GPHN: variants seen among roughly 807,000 people sequenced by gnomAD.
The protein encoded by GPHN is gephyrin.
Under a neutral mutation model 95.5 loss-of-function variants are expected in GPHN, and 17 were observed. The ratio of observed to expected loss-of-function variants is 0.18; its 90% confidence interval spans 0.12 to 0.27. GPHN has a LOEUF of 0.27. GPHN is among the 10% of genes least tolerant of loss of function. The pLI is 1.00. For missense variants in GPHN, 660 were observed against 978.1 expected, an observed-to-expected ratio of 0.67 and a Z score of 4.34; for synonymous variants, 320 against 322.5, an observed-to-expected ratio of 0.99 and a Z score of 0.08.
intron 3 of GPHN, among the ~76,000 whole-genome samples, chr14:66,813,566 A>G (rs775648619): frequency 5.3e-5 from 8 of 152,194 alleles, no homozygotes; most frequent in Non-Finnish European, 8.8e-5. Context: ...CCCCTCAACC[A>G]CCACAGACAC....
At chr14:66,597,312 G>T (rs1274337222) in intron 1 of GPHN, among the ~76,000 whole-genome samples, 1 of 152,102 alleles carries the variant, frequency 6.6e-6, no homozygotes, top group Non-Finnish European at 1.5e-5. Context: ...TTTATATTAC[G>T]CATCCCTTTT....
the GPHN span, among the ~76,000 whole-genome samples, chr14:67,212,045 G>T: frequency 6.6e-6 from 1 of 152,084 alleles, no homozygotes; most frequent in African/African-American, 2.4e-5. Flanking sequence ...CCACTGTGAA[G>T]ATCTGCTAAA....
intron 9 of GPHN, among the ~76,000 whole-genome samples, chr14:66,993,246 A>G (rs1205467865): frequency 6.6e-6 from 1 of 151,920 alleles, no homozygotes; most frequent in Non-Finnish European, 1.5e-5. Context: ...CTCTCTTCAC[A>G]TAGATTTCCC....
At chr14:67,370,031 A>AT in the GPHN span, among the ~76,000 whole-genome samples, 1 of 152,254 alleles carries the variant, frequency 6.6e-6, no homozygotes, top group African/African-American at 2.4e-5. Flanking sequence ...GTTTCTATAG[A>AT]TACTAAATTA....
At chr14:66,822,988 C>G (rs1426021406) in intron 3 of GPHN, 1 of 152,056 alleles carries the variant, frequency 6.6e-6, no homozygotes, top group East Asian at 1.9e-4. Flanking sequence ...GTGGTATCAA[C>G]CGTGGTTTTG....
chr14:66,909,343 A>C (rs558064026), intron 5 of GPHN, among the ~76,000 whole-genome samples: 1 of 152,224 alleles, frequency 6.6e-6, no homozygotes. Flanking sequence ...GGATAATCTT[A>C]TTACAAAACT....
chr14:66,615,727 C>A (rs1253290918), intron 1 of GPHN, among the ~76,000 whole-genome samples: 1 of 151,918 alleles, frequency 6.6e-6, no homozygotes, highest in Non-Finnish European at 1.5e-5. Context: ...TTAATTAGAT[C>A]CCATTTGTCA....
At chr14:67,616,728 T>A in the GPHN span, 1 of 151,958 alleles carries the variant, frequency 6.6e-6, no homozygotes, top group Non-Finnish European at 1.5e-5. Context: ...TGAGATATCT[T>A]GGGAATGGGA....
chr14:67,195,795 G>A, the GPHN span, among the ~76,000 whole-genome samples: 4 of 151,758 alleles, frequency 2.6e-5, no homozygotes, highest in Admixed American at 6.6e-5. Flanking sequence ...CCAGGCTGGA[G>A]TGCAGTGGCA....
intron 1 of GPHN, among the ~76,000 whole-genome samples, chr14:66,599,284 T>C (rs1342654574): frequency 6.6e-6 from 1 of 151,934 alleles, no homozygotes; most frequent in African/African-American, 2.4e-5. Flanking sequence ...CAATTTAAGA[T>C]AAAGATTTTG....
chr14:67,615,751 G>C, the GPHN span: 1 of 493,566 alleles, frequency 2.0e-6, no homozygotes. Context: ...AAAAGTTTAA[G>C]GATCCCAATG....
the GPHN span, chr14:67,562,895 G>A: frequency 6.2e-7 from 1 of 1,611,078 alleles, no homozygotes; most frequent in Non-Finnish European, 8.5e-7. Context: ...TTCATCCTGG[G>A]TAAGAGGCAA....
the GPHN span, chr14:67,562,816 G>A: frequency 6.2e-7 from 1 of 1,613,722 alleles, no homozygotes; most frequent in Admixed American, 1.7e-5. Context: ...AGAGCCCAAA[G>A]GCCCTTGGAG....
At chr14:67,560,316 C>T in the GPHN span, among the ~76,000 whole-genome samples, 1,659 of 152,258 alleles carry the variant, frequency 0.011, 14 homozygotes, top group Non-Finnish European at 0.015. Context: ...AGGGAACCAC[C>T]GTGCCCTGCT....
At chr14:67,619,913 G>A in the GPHN span, 162 of 1,108,000 alleles carry the variant, frequency 1.5e-4, 2 homozygotes, top group South Asian at 2.5e-3. Context: ...GGCGGGCGGT[G>A]GCGCTCACTC....
the GPHN span, among the ~76,000 whole-genome samples, chr14:67,260,049 C>A: frequency 2.0e-5 from 3 of 152,114 alleles, no homozygotes; most frequent in African/African-American, 7.2e-5. Flanking sequence ...TATTACTCTT[C>A]CTCATTTATT....
the GPHN span, among the ~76,000 whole-genome samples, chr14:67,713,941 C>A: frequency 6.6e-6 from 1 of 152,054 alleles, no homozygotes; most frequent in South Asian, 2.1e-4. Flanking sequence ...AAAGAGGCAA[C>A]CAGATATGCA....
intron 1 of GPHN, among the ~76,000 whole-genome samples, chr14:66,522,624 G>A (rs2058527172): frequency 6.6e-6 from 1 of 152,058 alleles, no homozygotes; most frequent in Non-Finnish European, 1.5e-5. Flanking sequence ...TTCCCCTGCA[G>A]ATGATCTCTT....
At chr14:66,627,719 T>C (rs1277093461) in intron 1 of GPHN, among the ~76,000 whole-genome samples, 1 of 152,128 alleles carries the variant, frequency 6.6e-6, no homozygotes, top group East Asian at 1.9e-4. Context: ...CTTAAAGTAC[T>C]GATAATCTGA....
Sources: gnomAD v4.1 joint callset for allele counts (sites outside exome capture counted in the v4.1 genomes callset) on GRCh38, gnomAD v4.1.1 for gene constraint, MANE v1.5 for transcripts, NCBI Gene and HGNC (gene_info 2026-07-23, HGNC 2026-07-21) for gene names.